Variants in ADGRL3 observed in about 807,000 individuals in gnomAD.
The protein encoded by ADGRL3 is calcium-independent alpha-latrotoxin receptor 3.
ADGRL3 carries 62 observed loss-of-function variants against 153.5 expected under a neutral mutation model. The observed-to-expected ratio is 0.40, with a 90% CI of 0.33 to 0.50. ADGRL3 has a LOEUF of 0.50. ADGRL3 is among the 20% of genes least tolerant of loss of function. ADGRL3 has a pLI of 0.47. For missense variants in ADGRL3, 1,641 were observed against 1,859.4 expected (o/e 0.88, Z 2.16); for synonymous variants, 710 against 672.5 (o/e 1.06, Z -0.86).
chr4:61,492,529 T>A (rs1468862533), intron 2 of ADGRL3, among the ~76,000 whole-genome samples: 1 of 152,054 alleles, frequency 6.6e-6, no homozygotes, highest in Non-Finnish European at 1.5e-5. Flanking sequence ...TAATATACGA[T>A]AGAAATATAA....
At chr4:61,320,751 A>T (rs1444593919) in intron 1 of ADGRL3, among the ~76,000 whole-genome samples, 1 of 152,210 alleles carries the variant, frequency 6.6e-6, no homozygotes, top group Non-Finnish European at 1.5e-5. Flanking sequence ...TCTTAAAATT[A>T]ACTATCACAC....
intron 9 of ADGRL3, among the ~76,000 whole-genome samples, chr4:61,824,801 T>G (rs897867993): frequency 6.6e-6 from 1 of 152,226 alleles, no homozygotes; most frequent in Non-Finnish European, 1.5e-5. Flanking sequence ...TACTTGACAA[T>G]AGATGTAGAA....
At chr4:61,454,993 A>G (rs1394345403) in intron 2 of ADGRL3, among the ~76,000 whole-genome samples, 1 of 152,180 alleles carries the variant, frequency 6.6e-6, no homozygotes, top group African/African-American at 2.4e-5. Flanking sequence ...TTATGTGGCC[A>G]GTAGTACATT....
intron 8 of ADGRL3, among the ~76,000 whole-genome samples, chr4:61,742,466 G>T (rs2151930356): frequency 6.6e-6 from 1 of 151,938 alleles, no homozygotes; most frequent in Non-Finnish European, 1.5e-5. Flanking sequence ...ATTTTTAGTA[G>T]AGACGGGGCT....
intron 1 of ADGRL3, among the ~76,000 whole-genome samples, chr4:61,248,430 A>T (rs1757931921): frequency 6.6e-6 from 1 of 152,132 alleles, no homozygotes; most frequent in African/African-American, 2.4e-5. Context: ...TTGTTTATTT[A>T]AGGTGTTTTA....
intron 4 of ADGRL3, among the ~76,000 whole-genome samples, chr4:61,541,855 A>G (rs1033694323): frequency 6.6e-5 from 10 of 151,666 alleles, no homozygotes; most frequent in African/African-American, 2.4e-4. Context: ...ACACACACAC[A>G]CACACACACA....
At chr4:61,435,556 G>A (rs991986212) in intron 2 of ADGRL3, among the ~76,000 whole-genome samples, 7 of 152,068 alleles carry the variant, frequency 4.6e-5, no homozygotes, top group African/African-American at 1.4e-4. Context: ...GACTCAGCAG[G>A]TCAATTTGTC....
chr4:61,742,061 G>T (rs1362729307), intron 8 of ADGRL3, among the ~76,000 whole-genome samples: 1 of 152,120 alleles, frequency 6.6e-6, no homozygotes, highest in African/African-American at 2.4e-5. Context: ...TAGTGTTGTT[G>T]CTCTTCATTG....
At chr4:61,441,485 C>T (rs1385773896) in intron 2 of ADGRL3, among the ~76,000 whole-genome samples, 1 of 149,310 alleles carries the variant, frequency 6.7e-6, no homozygotes, top group Non-Finnish European at 1.5e-5. Context: ...CTTGTTGTAG[C>T]TCTCTTTTTT....
intron 15 of ADGRL3, among the ~76,000 whole-genome samples, chr4:61,939,922 AT>A (rs528565943): frequency 0.012 from 1,308 of 109,526 alleles, 11 homozygotes; most frequent in African/African-American, 0.025. Context: ...AGTATATTCT[AT>A]TTTTTTTTTT....
At chr4:61,577,628 A>G (rs2098896042) in intron 4 of ADGRL3, among the ~76,000 whole-genome samples, 1 of 151,720 alleles carries the variant, frequency 6.6e-6, no homozygotes, top group Non-Finnish European at 1.5e-5. Context: ...TGGGCAACAT[A>G]GTGAGATACT....
intron 1 of ADGRL3, among the ~76,000 whole-genome samples, chr4:61,265,181 A>G (rs1391513231): frequency 6.6e-6 from 1 of 152,000 alleles, no homozygotes; most frequent in Admixed American, 6.6e-5. Flanking sequence ...CAACTTGAGT[A>G]ATAGTTCTTA....
intron 1 of ADGRL3, among the ~76,000 whole-genome samples, chr4:61,295,671 C>T (rs112846801): frequency 2.0e-4 from 31 of 151,804 alleles, no homozygotes; most frequent in African/African-American, 5.6e-4. Context: ...AAAGTAAGAG[C>T]GGGCTGGGCA....
At chr4:61,986,692 A>G (rs549356087) in intron 19 of ADGRL3, among the ~76,000 whole-genome samples, 21 of 152,340 alleles carry the variant, frequency 1.4e-4, no homozygotes, top group African/African-American at 5.1e-4. Context: ...GATGGAAGAG[A>G]GATAGGAAAA....
chr4:61,856,703 A>G lies in ADGRL3; in HGVS notation c.1481-35953A>G, dbSNP rs1581167881. Reference sequence around the variant, plus strand: ...GCAATCTCAGCTCACTGCAACCTCCACCTCCAGGGTTCAAGCAATTCTCCT... The same window carrying G: ...GCAATCTCAGCTCACTGCAACCTCCGCCTCCAGGGTTCAAGCAATTCTCCT... On this transcript the variant is annotated intron_variant, in intron 9 of 26. Coordinates refer to ENST00000683033, the MANE Select transcript of ADGRL3 (RefSeq NM_001387552.1). 2.4e-5 allele frequency among the ~76,000 whole-genome samples: 3 copies of G among 125,614 alleles called. No individual in the cohort carries two copies. In the South Asian group the frequency reaches 7.6e-4, roughly 32 times the overall value. 82.4% of individuals were successfully genotyped at this position (125,614 alleles called of 152,430 possible).
intron 13 of ADGRL3, among the ~76,000 whole-genome samples, chr4:61,928,647 A>T (rs1350090434): frequency 2.0e-5 from 3 of 152,176 alleles, no homozygotes. Flanking sequence ...TGCATTTCTT[A>T]TTCATAGTGT....
chr4:61,350,460 C>T (rs1184046839), intron 1 of ADGRL3, among the ~76,000 whole-genome samples: 1 of 149,176 alleles, frequency 6.7e-6, no homozygotes, highest in East Asian at 2.1e-4. Context: ...CCCAATTAGA[C>T]ACATACCTCA....
chr4:61,396,204 G>A (rs2096866606), intron 2 of ADGRL3, among the ~76,000 whole-genome samples: 1 of 151,852 alleles, frequency 6.6e-6, no homozygotes, highest in African/African-American at 2.4e-5. Flanking sequence ...TTTAGATGTA[G>A]CAGAAAGTGA....
At chr4:61,972,523 G>A (rs1469900043) in intron 17 of ADGRL3, among the ~76,000 whole-genome samples, 1 of 152,140 alleles carries the variant, frequency 6.6e-6, no homozygotes, top group Non-Finnish European at 1.5e-5. Context: ...CTAAATCTCT[G>A]TTTTGGTAGC....
Sources: gnomAD v4.1 joint callset for allele counts (sites outside exome capture counted in the v4.1 genomes callset) on GRCh38, gnomAD v4.1.1 for gene constraint, MANE v1.5 for transcripts, NCBI Gene and HGNC (gene_info 2026-07-23, HGNC 2026-07-21) for gene names.